Variants in DDX47 observed in about 807,000 individuals in gnomAD.
DDX47 encodes DEAD-box helicase 47, also known as probable ATP-dependent RNA helicase DDX47.
A neutral mutation model predicts 58.8 loss-of-function variants in DDX47; 60 were observed. The ratio of observed to expected loss-of-function variants is 1.02; its 90% confidence interval spans 0.83 to 1.26. DDX47 has a LOEUF of 1.26. Ranked by LOEUF, DDX47 falls within the 50% of genes most tolerant of loss-of-function variation. DDX47 has a pLI of 0.00. For missense variants in DDX47, 530 were observed against 573.2 expected, an observed-to-expected ratio of 0.92 and a Z score of 0.77; for synonymous variants, 197 against 204.6, an observed-to-expected ratio of 0.96 and a Z score of 0.32.
intron 2 of DDX47, among the ~76,000 whole-genome samples, chr12:12,818,793 C>T (rs950732955): frequency 3.3e-5 from 5 of 151,984 alleles, no homozygotes; most frequent in African/African-American, 7.2e-5. Flanking sequence ...TACGTGGTGG[C>T]GGCAAGAGAA....
At chr12:12,823,114 G>A (rs975206544) in intron 6 of DDX47, 89 bp from the exon 7 acceptor site, 5 of 836,896 alleles carry the variant, frequency 6.0e-6, no homozygotes, top group Non-Finnish European at 1.0e-5. Context: ...AATTCAACAT[G>A]AGATTTGGGT....
At chr12:12,823,579 TTG>T (rs1179860321) in intron 7 of DDX47, 2 of 551,298 alleles carry the variant, frequency 3.6e-6, no homozygotes, top group African/African-American at 3.8e-5. Flanking sequence ...AATTTTTCCT[TTG>T]TCTGCTTATT....
intron 6 of DDX47, 130 bp from the exon 7 acceptor site, chr12:12,823,073 C>A: frequency 1.4e-6 from 1 of 702,726 alleles, no homozygotes; most frequent in Non-Finnish European, 2.5e-6. Flanking sequence ...TAACCTCCCA[C>A]CAGGTCCCTC....
intron 2 of DDX47, among the ~76,000 whole-genome samples, chr12:12,815,627 A>G (rs1200315873): frequency 6.6e-6 from 1 of 152,202 alleles, no homozygotes; most frequent in Non-Finnish European, 1.5e-5. Flanking sequence ...GGATTTAGAC[A>G]TTCAGATATG....
rs1862969224 is a variant in DDX47, at chr12:12,821,353, A to G, written c.327A>G (p.Ser109=). ...TPTRELAFQI[S]EQFEALGSSI... is the part of the protein sequence containing the mutation. ...CTCGGGAGCTGGCCTTTCAGATCTCAGAGCAGTTTGAAGCCCTGGGGTCCT... is the reference window on the plus strand; with the variant it reads ...CTCGGGAGCTGGCCTTTCAGATCTCGGAGCAGTTTGAAGCCCTGGGGTCCT... Residue 109 remains serine (S), a synonymous_variant, in exon 3 of 12, where the codon TCA becomes TCG. Transcript: ENST00000358007. 6.2e-7 allele frequency: 1 copy of G among 1,614,212 alleles called. No individual in the cohort carries two copies. Among genetic ancestry groups the G allele is most frequent in the Non-Finnish European group, 8.5e-7 (1 of 1,180,034 alleles).
intron 1 of DDX47, among the ~76,000 whole-genome samples, chr12:12,813,686 A>G (rs770767351): frequency 3.9e-5 from 6 of 152,286 alleles, no homozygotes; most frequent in Admixed American, 6.5e-5. Context: ...TAGTGTGGCA[A>G]CGTTTGTATG....
chr12:12,829,675 A>G lies in DDX47; in HGVS notation c.*121A>G, dbSNP rs1565449389. 4.8e-6 allele frequency: 6 copies of G among 1,260,164 alleles called. No individual in the cohort carries two copies. The highest frequency in any genetic ancestry group is 6.5e-6 in the Non-Finnish European group (6 of 926,764). 78.1% of individuals were successfully genotyped at this position (1,260,164 alleles called of 1,614,324 possible). A position where few individuals can be genotyped will look rare whatever the true frequency, so the allele number is the denominator to read the frequency against. On this transcript the variant is annotated 3_prime_UTR_variant, in exon 12 of 12. Transcript: ENST00000358007. ...AATTGTGTCCAGAATGTGCTCAGCTAATTCAGTATTCTTCCCCATTCTGGG... is the reference window on the plus strand; with the variant it reads ...AATTGTGTCCAGAATGTGCTCAGCTGATTCAGTATTCTTCCCCATTCTGGG...
intron 2 of DDX47, chr12:12,814,513 C>T (rs779988047): frequency 3.4e-5 from 11 of 320,274 alleles, no homozygotes; most frequent in African/African-American, 6.4e-5. Flanking sequence ...CATCAGTGGG[C>T]GCACACTTAG....
intron 2 of DDX47, among the ~76,000 whole-genome samples, chr12:12,819,602 C>T (rs1862940959): frequency 6.6e-6 from 1 of 152,146 alleles, no homozygotes; most frequent in African/African-American, 2.4e-5. Flanking sequence ...TTATGCCCAA[C>T]TGGTTTTTAG....
At chr12:12,827,128 T>C (rs190321704) in intron 10 of DDX47, 118 bp from the exon 11 acceptor site, 255 of 1,239,954 alleles carry the variant, frequency 2.1e-4, no homozygotes, top group Non-Finnish European at 2.6e-4. Flanking sequence ...AGAAATAATA[T>C]GTTCAATATT....
chr12:12,816,851 A>T (rs377337568), intron 2 of DDX47, among the ~76,000 whole-genome samples: 299 of 152,334 alleles, frequency 2.0e-3, no homozygotes, highest in Middle Eastern at 0.014. Context: ...ATGCATTTTA[A>T]CTTTTCCAGC....
At chr12:12,829,232 C>G (rs1863095504) in intron 11 of DDX47, among the ~76,000 whole-genome samples, 191 bp from the exon 12 acceptor site, 1 of 152,214 alleles carries the variant, frequency 6.6e-6, no homozygotes. Flanking sequence ...TAAAACCTTA[C>G]TTTAGTGTTC....
chr12:12,818,617 G>A (rs539696327), intron 2 of DDX47, among the ~76,000 whole-genome samples: 8 of 152,278 alleles, frequency 5.3e-5, no homozygotes, highest in South Asian at 2.1e-4. Flanking sequence ...ATGAAAAGAA[G>A]GCTAAAGAAT....
At chr12:12,818,620 T>C (rs879384095) in intron 2 of DDX47, among the ~76,000 whole-genome samples, 2 of 152,160 alleles carry the variant, frequency 1.3e-5, no homozygotes, top group Admixed American at 1.3e-4. Context: ...AAAAGAAGGC[T>C]AAAGAATAGA....
At chr12:12,827,097 C>T in intron 10 of DDX47, 149 bp from the exon 11 acceptor site, 1 of 1,007,262 alleles carries the variant, frequency 9.9e-7, no homozygotes, top group African/African-American at 1.6e-5. Flanking sequence ...ACAGAGATTG[C>T]ACTTAACCCA....
intron 7 of DDX47, 110 bp downstream of exon 7, chr12:12,823,429 T>C (rs1279132144): frequency 1.7e-5 from 13 of 745,576 alleles, no homozygotes; most frequent in Non-Finnish European, 2.8e-5. Flanking sequence ...ATTGGCATCC[T>C]GTCTGTTTGC....
rs751716292 is a variant in DDX47, at chr12:12,814,157, T to G, written c.114T>G (p.Ala38=). 6 of 1,613,876 alleles carry G rather than the reference T, an allele frequency of 3.7e-6. No homozygotes were observed. The highest frequency in any genetic ancestry group is 4.2e-6 in the Non-Finnish European group (5 of 1,179,750). ...GTGTGACAGATGTGTTGTGTGAAGC[T>G]TGTGACCAGTTGGGATGGACAAAAC... ...DLGVTDVLCE[A]CDQLGWTKPT... Residue 38 remains alanine (A), a synonymous_variant, in exon 2 of 12, where the codon GCT becomes GCG. Transcript: ENST00000358007.
rs1422507611 is a variant in DDX47 at position 12,823,947 on chromosome 12, C to G, written c.828C>G (p.Thr276=). The G allele has an allele frequency of 6.2e-7, 1 of 1,613,898 alleles. No homozygotes were observed. Among genetic ancestry groups the G allele is most frequent in the East Asian group, 2.2e-5 (1 of 44,886 alleles). Residue 276 remains threonine (T), a synonymous_variant, in exon 8 of 12, where the codon ACC becomes ACG. Transcript: ENST00000358007. The part of the protein sequence containing the change: ...FMIFCSTCNN[T]QRTALLLRNL... The stretch of plus-strand genomic sequence containing the variant: ...TATTCTGCAGCACCTGTAATAATAC[C>G]CAGAGAACAGCTTTGCTACTGCGAA...
chr12:12,826,914 C>A (rs1048605855), intron 10 of DDX47, among the ~76,000 whole-genome samples: 3 of 152,066 alleles, frequency 2.0e-5, no homozygotes, highest in Non-Finnish European at 4.4e-5. Context: ...CATGCCACCA[C>A]GGTTGGCTAA....
Sources: allele counts gnomAD v4.1 joint callset (sites outside exome capture counted in the v4.1 genomes callset), GRCh38; gene constraint gnomAD v4.1.1; transcripts MANE v1.5; gene names NCBI Gene and HGNC (gene_info 2026-07-23, HGNC 2026-07-21).